The following TRAPPC9 variants were observed in gnomAD, a reference collection of about 807,000 sequenced individuals.
The protein encoded by TRAPPC9 is IKK2 binding protein.
Under a neutral mutation model 124.0 loss-of-function variants are expected in TRAPPC9, and 83 were observed. The observed-to-expected ratio is 0.67, with a 90% CI of 0.56 to 0.80. TRAPPC9 has a LOEUF of 0.80. Ranked by LOEUF, TRAPPC9 falls within the 30% of genes least tolerant of loss-of-function variation. The probability of loss-of-function intolerance (pLI) is 0.00; values close to 1 mark genes in which losing one functional copy is unlikely to be tolerated. For synonymous variants in TRAPPC9, 638 were observed against 617.5 expected, an observed-to-expected ratio of 1.03 and a Z score of -0.49; for missense variants, 1,302 against 1,508.3, an observed-to-expected ratio of 0.86 and a Z score of 2.27.
intron 2 of TRAPPC9, 81 bp downstream of exon 2, chr8:140,450,709 T>C: frequency 1.8e-6 from 2 of 1,096,886 alleles, no homozygotes; most frequent in Non-Finnish European, 2.7e-6. Flanking sequence ...TTTCTACTCC[T>C]TGCTGCAATG....
At chr8:139,987,565 G>GAA (rs1837321247) in intron 19 of TRAPPC9, among the ~76,000 whole-genome samples, 1 of 152,088 alleles carries the variant, frequency 6.6e-6, no homozygotes. Flanking sequence ...GAGAGAGAGA[G>GAA]AGAAAGATCT....
intron 19 of TRAPPC9, among the ~76,000 whole-genome samples, chr8:139,957,925 G>A (rs1477706890): frequency 1.3e-5 from 2 of 152,338 alleles, no homozygotes; most frequent in Middle Eastern, 6.8e-3. Context: ...AAATGTATCA[G>A]AGGTTTCTGC....
intron 21 of TRAPPC9, among the ~76,000 whole-genome samples, chr8:139,797,266 A>G (rs1220864675): frequency 6.6e-6 from 1 of 151,962 alleles, no homozygotes; most frequent in Non-Finnish European, 1.5e-5. Context: ...AGTCCAATTT[A>G]TTTATTTTTT....
chr8:140,299,701 T>A (rs1180138221), intron 11 of TRAPPC9, among the ~76,000 whole-genome samples: 1 of 152,168 alleles, frequency 6.6e-6, no homozygotes, highest in Non-Finnish European at 1.5e-5. Context: ...GATGGGGAGC[T>A]TGGCACTACA....
At chr8:140,351,008 A>T (rs1388876684) in intron 9 of TRAPPC9, among the ~76,000 whole-genome samples, 1 of 151,756 alleles carries the variant, frequency 6.6e-6, no homozygotes, top group Non-Finnish European at 1.5e-5. Context: ...ATTAAACAGA[A>T]CGAAGGCAGT....
intron 21 of TRAPPC9, among the ~76,000 whole-genome samples, chr8:139,866,697 T>C (rs562258264): frequency 2.0e-5 from 3 of 152,196 alleles, no homozygotes; most frequent in South Asian, 2.1e-4. Flanking sequence ...CAGTGGTGGA[T>C]TGGGATTAGT....
intron 18 of TRAPPC9, among the ~76,000 whole-genome samples, chr8:139,998,542 C>A (rs1374424129): frequency 6.6e-6 from 1 of 152,122 alleles, no homozygotes; most frequent in Non-Finnish European, 1.5e-5. Context: ...CACGGTGAAA[C>A]CCCGTCTCTA....
At chr8:140,401,452 GA>G (rs1241863467) in intron 6 of TRAPPC9, among the ~76,000 whole-genome samples, 1 of 152,018 alleles carries the variant, frequency 6.6e-6, no homozygotes, top group Non-Finnish European at 1.5e-5. Context: ...CATGACACAA[GA>G]AAAAACTAAC....
chr8:139,787,990 G>A (rs1197550883), intron 21 of TRAPPC9, among the ~76,000 whole-genome samples: 6 of 152,296 alleles, frequency 3.9e-5, no homozygotes, highest in African/African-American at 1.2e-4. Context: ...GAACCCCACC[G>A]CGGGCATCTG....
At chr8:140,272,130 C>CAATGGTGATGGTGGT (rs1450234909) in intron 15 of TRAPPC9, among the ~76,000 whole-genome samples, 23 of 100,382 alleles carry the variant, frequency 2.3e-4, no homozygotes, top group South Asian at 6.7e-4. Context: ...GTGATGGTGG[C>CAATGGTGATGGTGGT]GATGGTGATG....
chr8:140,072,055 T>C (rs925594472), intron 17 of TRAPPC9, among the ~76,000 whole-genome samples: 1 of 151,930 alleles, frequency 6.6e-6, no homozygotes, highest in Non-Finnish European at 1.5e-5. Flanking sequence ...GAGTTTGGAG[T>C]AGGGGCCAGG....
chr8:140,180,637 T>TA (rs1331381630), intron 17 of TRAPPC9, among the ~76,000 whole-genome samples: 1 of 152,024 alleles, frequency 6.6e-6, no homozygotes, highest in Admixed American at 6.6e-5. Context: ...TGTATTTTTT[T>TA]ATGGATATTT....
At chr8:139,925,514 G>A (rs1832755420) in intron 19 of TRAPPC9, among the ~76,000 whole-genome samples, 1 of 152,106 alleles carries the variant, frequency 6.6e-6, no homozygotes, top group African/African-American at 2.4e-5. Context: ...TTGGGAGGCC[G>A]AGGCGGGCAG....
intron 17 of TRAPPC9, among the ~76,000 whole-genome samples, chr8:140,217,406 G>A (rs1396115790): frequency 6.6e-6 from 1 of 152,164 alleles, no homozygotes; most frequent in Non-Finnish European, 1.5e-5. Context: ...GGAGTCTGAG[G>A]ATGAGAACAG....
In TRAPPC9 at chr8:139,731,198, C is replaced by T. The variant is rs774014478; in HGVS notation, c.3310G>A (p.Gly1104Arg). 17 of 1,613,404 alleles carry T rather than the reference C, an allele frequency of 1.1e-5. No individual in the cohort carries two copies. Among genetic ancestry groups the T allele is most frequent in the African/African-American group, 2.7e-5 (2 of 74,880 alleles). Residue 1104 changes from glycine to arginine, a missense_variant, in exon 23 of 23, where the codon GGG becomes AGG. By Grantham distance (125) the Gly-to-Arg change is moderately radical. This residue lies in a region of TRAPPC9 where 640 missense variants were observed against 679.3 expected (regional missense o/e 0.94). Transcript: ENST00000438773. ...VQPSGQSACL[G>R]ALLFLYTGDF... is the part of the protein sequence containing the mutation. Reference sequence around the variant, plus strand: ...CCCGTGTAGAGGAAGAGGAGGGCCCCGAGGCAGGCCGACTGGCCGGACGGC... The same window carrying T: ...CCCGTGTAGAGGAAGAGGAGGGCCCTGAGGCAGGCCGACTGGCCGGACGGC...
rs938651392 is a variant in TRAPPC9 at position 139,961,756 on chromosome 8, G to C, written c.2810+26970C>G. ...GCTCTGATCTCAAAGCGGGGGACTTGTGCTGCCTCTTCTGGACCCACCCAT... is the reference window on the plus strand; with the variant it reads ...GCTCTGATCTCAAAGCGGGGGACTTCTGCTGCCTCTTCTGGACCCACCCAT... On this transcript the variant is annotated intron_variant, in intron 19 of 22. Coordinates refer to ENST00000438773, the MANE Select transcript of TRAPPC9 (RefSeq NM_001160372.4). 3.3e-4 allele frequency among the ~76,000 whole-genome samples: 41 copies of C among 124,050 alleles called. 3 individuals carry two copies. The highest frequency in any genetic ancestry group is 9.1e-4 in the African/African-American group (36 of 39,350). The allele number at this position is 124,050 out of a possible 152,430, so 81.4% of individuals were successfully genotyped here. A position where few individuals can be genotyped will look rare whatever the true frequency, so the allele number is the denominator to read the frequency against.
intron 21 of TRAPPC9, among the ~76,000 whole-genome samples, chr8:139,790,375 G>A (rs572191876): frequency 2.6e-5 from 4 of 152,316 alleles, no homozygotes; most frequent in African/African-American, 7.2e-5. Flanking sequence ...ACCGGGGAGC[G>A]CTTTGTTCTT....
intron 7 of TRAPPC9, among the ~76,000 whole-genome samples, chr8:140,391,781 C>G (rs2068932526): frequency 6.6e-6 from 1 of 150,630 alleles, no homozygotes; most frequent in South Asian, 2.1e-4. Flanking sequence ...AATCCCAGCA[C>G]TTTGGGAGGC....
Position 140,138,414 on chromosome 8 carries a change from G to A in TRAPPC9, c.2556+83045C>T, listed in dbSNP as rs117723856. On this transcript the variant is annotated intron_variant, in intron 17 of 22. Coordinates refer to ENST00000438773, the MANE Select transcript of TRAPPC9 (RefSeq NM_001160372.4). ...ACACACAATCTCTCTCTGGGCTCCG[G>A]GTTTGTTAAGAAGGGGCTCGGGAGA... Among the ~76,000 whole-genome samples the A allele has an allele frequency of 9.4e-3, 1,438 of 152,266 alleles. 13 individuals carry two copies. The highest frequency in any genetic ancestry group is 0.015 in the Non-Finnish European group (1,037 of 68,018).
Sources: gnomAD v4.1 joint callset for allele counts (sites outside exome capture counted in the v4.1 genomes callset) on GRCh38, gnomAD v4.1.1 for gene constraint, gnomAD v4.1.1 regional missense constraint, MANE v1.5 for transcripts, NCBI Gene and HGNC (gene_info 2026-07-23, HGNC 2026-07-21) for gene names.